Variants in LSAMP observed in about 807,000 individuals in gnomAD.
The protein encoded by LSAMP is limbic system associated membrane protein, also known as limbic system-associated membrane protein.
Under a neutral mutation model 38.6 loss-of-function variants are expected in LSAMP, and 7 were observed. The observed-to-expected ratio is 0.18, with a 90% CI of 0.10 to 0.34. The LOEUF (loss-of-function observed/expected upper bound fraction) is 0.34. Among genes scored for constraint, LSAMP ranks in the 10% least tolerant of loss-of-function variants. LSAMP has a pLI of 1.00. For missense variants in LSAMP, 313 were observed against 420.0 expected, an observed-to-expected ratio of 0.75 and a Z score of 2.23; for synonymous variants, 154 against 166.8, an observed-to-expected ratio of 0.92 and a Z score of 0.59.
chr3:115,924,173 C>T (rs1029086714), intron 3 of LSAMP, among the ~76,000 whole-genome samples: 1 of 152,100 alleles, frequency 6.6e-6, no homozygotes, highest in Non-Finnish European at 1.5e-5. Flanking sequence ...GACTTTTTGA[C>T]TTTAACTAAA....
At chr3:116,196,406 A>G (rs543632895) in intron 1 of LSAMP, among the ~76,000 whole-genome samples, 1 of 152,338 alleles carries the variant, frequency 6.6e-6, no homozygotes, top group South Asian at 2.1e-4. Context: ...ACAACAATTG[A>G]TGAGAATTCT....
chr3:116,225,512 A>G (rs2046332748), intron 1 of LSAMP, among the ~76,000 whole-genome samples: 1 of 152,206 alleles, frequency 6.6e-6, no homozygotes, highest in Non-Finnish European at 1.5e-5. Context: ...CAGGAAACTA[A>G]TACAACCCTT....
At chr3:116,324,882 A>G (rs1043316425) in intron 1 of LSAMP, among the ~76,000 whole-genome samples, 7 of 152,128 alleles carry the variant, frequency 4.6e-5, no homozygotes, top group African/African-American at 1.4e-4. Flanking sequence ...TATTATTTTT[A>G]GCCCTTCTAG....
chr3:116,323,727 T>A (rs911867952), intron 1 of LSAMP, among the ~76,000 whole-genome samples: 4 of 152,144 alleles, frequency 2.6e-5, no homozygotes, highest in African/African-American at 9.7e-5. Context: ...AACTAGCATG[T>A]AGGCTCAATT....
rs112062741 is a variant in LSAMP, at chr3:116,214,293, C to T, written c.156-127737G>A. Among the ~76,000 whole-genome samples, 775 of 152,084 alleles carry T rather than the reference C, an allele frequency of 5.1e-3. 9 individuals carry two copies. The highest frequency in any genetic ancestry group is 0.017 in the African/African-American group (714 of 41,478). ...CAGCTAATGTGTATATTAAGCTCAGCGCTGTAGGTCAGGTCGTGTTCAAAG... is the reference window on the plus strand; with the variant it reads ...CAGCTAATGTGTATATTAAGCTCAGTGCTGTAGGTCAGGTCGTGTTCAAAG... On this transcript the variant is annotated intron_variant, in intron 1 of 6. Coordinates refer to ENST00000490035, the MANE Select transcript of LSAMP (RefSeq NM_002338.5).
intron 1 of LSAMP, among the ~76,000 whole-genome samples, chr3:116,264,604 T>C (rs562345148): frequency 1.3e-5 from 2 of 152,142 alleles, no homozygotes; most frequent in Admixed American, 6.5e-5. Context: ...TTGTGGGTTT[T>C]TGTTTGTTTG....
intron 2 of LSAMP, among the ~76,000 whole-genome samples, chr3:116,058,163 T>C (rs1271759714): frequency 6.6e-6 from 1 of 152,082 alleles, no homozygotes; most frequent in Non-Finnish European, 1.5e-5. Context: ...ACAGGGAAGG[T>C]CTGGGTTTTA....
At chr3:116,405,025 A>G (rs549195619) in intron 1 of LSAMP, among the ~76,000 whole-genome samples, 1 of 152,242 alleles carries the variant, frequency 6.6e-6, no homozygotes, top group Non-Finnish European at 1.5e-5. Context: ...AGAGCCCAAA[A>G]TCATTGGATT....
At chr3:116,112,075 G>T (rs752849494) in intron 1 of LSAMP, among the ~76,000 whole-genome samples, 2 of 152,224 alleles carry the variant, frequency 1.3e-5, no homozygotes, top group African/African-American at 2.4e-5. Context: ...GATGAGGCCT[G>T]CTTTCTTTCA....
intron 1 of LSAMP, among the ~76,000 whole-genome samples, chr3:116,434,105 T>G (rs938242006): frequency 6.6e-6 from 1 of 152,184 alleles, no homozygotes; most frequent in African/African-American, 2.4e-5. Flanking sequence ...ATCTCTGATT[T>G]TATGACTAGA....
chr3:116,203,971 G>A lies in LSAMP; in HGVS notation c.156-117415C>T, dbSNP rs543060001. The stretch of plus-strand genomic sequence containing the variant: ...TCTAGTTCTAGATCCCTGAGGAATC[G>A]CCACGCTGACTTCAACAATGGTTGA... On this transcript the variant is annotated intron_variant, in intron 1 of 6. Transcript: ENST00000490035. Among the ~76,000 whole-genome samples the A allele has an allele frequency of 4.4e-3, 663 of 152,098 alleles. 6 individuals carry two copies. Among genetic ancestry groups the A allele is most frequent in the African/African-American group, 0.015 (620 of 41,480 alleles).
rs1300651733 is a variant in LSAMP, at chr3:115,808,160, C to G, written c.*2157G>C. On this transcript the variant is annotated 3_prime_UTR_variant, in exon 7 of 7. Coordinates refer to ENST00000490035, the MANE Select transcript of LSAMP (RefSeq NM_002338.5). ...TCCCTCCCTCCCTCCCCCCCTTCCC[C>G]GTCCCCCCCTCCCTGCCTTCCTTCC... 44 of 88,768 alleles carry G rather than the reference C, an allele frequency of 5.0e-4. No homozygotes were observed. The highest frequency in any genetic ancestry group is 1.8e-3 in the African/African-American group (40 of 22,500). 5.5% of individuals were successfully genotyped at this position (88,768 alleles called of 1,614,324 possible). A position where few individuals can be genotyped will look rare whatever the true frequency, so the allele number is the denominator to read the frequency against.
intron 3 of LSAMP, among the ~76,000 whole-genome samples, chr3:115,869,909 A>C (rs1935978941): frequency 6.6e-6 from 1 of 152,084 alleles, no homozygotes; most frequent in South Asian, 2.1e-4. Context: ...TTTTTCCCAA[A>C]TTTGGGAACC....
At chr3:115,825,584 C>T (rs761947336) in intron 6 of LSAMP, among the ~76,000 whole-genome samples, 25 of 152,342 alleles carry the variant, frequency 1.6e-4, no homozygotes, top group Middle Eastern at 3.4e-3. Context: ...CTAATACCTA[C>T]CACACAGTAC....
At chr3:116,316,038 G>A (rs886984331) in intron 1 of LSAMP, among the ~76,000 whole-genome samples, 6 of 152,228 alleles carry the variant, frequency 3.9e-5, no homozygotes, top group Admixed American at 3.9e-4. Flanking sequence ...AGAAGGTCAA[G>A]TGTGATATTT....
intron 1 of LSAMP, among the ~76,000 whole-genome samples, chr3:116,426,102 G>C (rs980763254): frequency 1.1e-4 from 16 of 152,136 alleles, no homozygotes; most frequent in African/African-American, 3.9e-4. Context: ...AATATAAATA[G>C]TTGTGAAAAT....
At chr3:116,276,429 TA>T (rs1230534440) in intron 1 of LSAMP, among the ~76,000 whole-genome samples, 7 of 152,018 alleles carry the variant, frequency 4.6e-5, no homozygotes, top group African/African-American at 1.7e-4. Flanking sequence ...AAAGCATTAT[TA>T]AGAAAACATT....
intron 2 of LSAMP, among the ~76,000 whole-genome samples, chr3:116,073,994 C>T (rs2107388378): frequency 6.6e-6 from 1 of 152,062 alleles, no homozygotes; most frequent in South Asian, 2.1e-4. Context: ...AATGCCATAG[C>T]TCTCACCACC....
chr3:116,156,922 C>A (rs773553526), intron 1 of LSAMP, among the ~76,000 whole-genome samples: 10 of 152,044 alleles, frequency 6.6e-5, no homozygotes, highest in Non-Finnish European at 1.5e-4. Context: ...GCACTGGGAC[C>A]TGTGGATAGA....
Sources: allele counts gnomAD v4.1 joint callset (sites outside exome capture counted in the v4.1 genomes callset), GRCh38; gene constraint gnomAD v4.1.1; transcripts MANE v1.5; gene names NCBI Gene and HGNC (gene_info 2026-07-23, HGNC 2026-07-21).